MED14: variants seen among roughly 807,000 people sequenced by gnomAD.
MED14 encodes mediator complex subunit 14.
MED14 carries 8 observed loss-of-function variants against 109.0 expected under a neutral mutation model. That is an observed-to-expected ratio of 0.07 (90% CI 0.04 to 0.13). The LOEUF (loss-of-function observed/expected upper bound fraction) is 0.13, where lower values mean the gene tolerates loss of function less well. MED14 is among the 10% of genes least tolerant of loss of function. The pLI is 1.00. For synonymous variants in MED14, 399 were observed against 408.7 expected, an observed-to-expected ratio of 0.98 and a Z score of 0.29; for missense variants, 711 against 1,142.4, an observed-to-expected ratio of 0.62 and a Z score of 5.44.
At chrX:40,662,230 TTC>T (rs1290180372) in intron 26 of MED14, among the ~76,000 whole-genome samples, 7 of 111,039 alleles carry the variant, frequency 6.3e-5, no homozygotes, top group African/African-American at 2.3e-4. Flanking sequence ...CAAATTTTTT[TTC>T]TCTTTTTATT....
intron 10 of MED14, among the ~76,000 whole-genome samples, chrX:40,707,876 A>G (rs1003389093): frequency 8.9e-6 from 1 of 111,757 alleles, no homozygotes; most frequent in African/African-American, 3.3e-5. Flanking sequence ...TTCAGTAAAA[A>G]CCATTGAATG....
intron 10 of MED14, among the ~76,000 whole-genome samples, chrX:40,705,039 T>C (rs1186194318): frequency 1.8e-5 from 2 of 111,756 alleles, no homozygotes; most frequent in African/African-American, 3.3e-5. Context: ...CATATTTGTA[T>C]ACAAAATGTT....
intron 15 of MED14, among the ~76,000 whole-genome samples, chrX:40,690,309 T>C (rs1295920787): frequency 1.8e-5 from 2 of 111,701 alleles, no homozygotes; most frequent in African/African-American, 3.3e-5. Context: ...GGTTTCTCTC[T>C]GGGCTCTTTA....
chrX:40,671,326 C>T (rs1334173281), intron 23 of MED14, among the ~76,000 whole-genome samples: 2 of 111,897 alleles, frequency 1.8e-5, no homozygotes, highest in Non-Finnish European at 3.8e-5. Context: ...AGCACTTTTA[C>T]GGTGCACTTC....
intron 11 of MED14, 29 bp downstream of exon 11, chrX:40,703,415 T>A: frequency 9.0e-7 from 1 of 1,114,383 alleles, no homozygotes; most frequent in Non-Finnish European, 1.2e-6. Context: ...TTTTCTTACA[T>A]TGAATGATTA....
intron 10 of MED14, among the ~76,000 whole-genome samples, chrX:40,703,783 C>A (rs938999933): frequency 3.6e-5 from 4 of 112,022 alleles, no homozygotes; most frequent in Admixed American, 2.8e-4. Flanking sequence ...AACAAACATG[C>A]CTGTCTCAAA....
chrX:40,692,089 G>T, intron 15 of MED14, 94 bp downstream of exon 15: 1 of 829,184 alleles, frequency 1.2e-6, no homozygotes, highest in Non-Finnish European at 1.7e-6. Flanking sequence ...CAAACATTCT[G>T]CTTTTCCTAA....
chrX:40,651,717 A>AT lies in MED14; in HGVS notation c.*88_*89insA. On this transcript the variant is annotated 3_prime_UTR_variant, in exon 31 of 31. Transcript: ENST00000324817. ...TTTAGCTCTTAAAGTTTAAAAAAAA[A>AT]GTCCTTTTCCTTTTTTAAACTGAAG... 1 of 1,088,379 alleles carries AT rather than the reference A, an allele frequency of 9.2e-7. No individual in the cohort carries two copies. The highest frequency in any genetic ancestry group is 1.2e-6 in the Non-Finnish European group (1 of 837,939). The allele number at this position is 1,088,379 out of a possible 1,213,427, so 89.7% of individuals were successfully genotyped here.
In MED14 at chrX:40,712,880, ATACTTATGATTTAAATCAC is replaced by A. The variant is rs1340883168; in HGVS notation, c.781+15_781+33del. 9.1e-7 allele frequency: 1 copy of A among 1,096,533 alleles called. No individual in the cohort carries two copies. Among genetic ancestry groups the A allele is most frequent in the Admixed American group, 2.6e-5 (1 of 38,287 alleles). The allele number at this position is 1,096,533 out of a possible 1,213,427, so 90.4% of individuals were successfully genotyped here. On this transcript the variant is annotated intron_variant, in intron 6 of 30. Transcript: ENST00000324817. ...TATAAAAAATCAAACATTTAAACTA[ATACTTATGATTTAAATCAC>A]TACTTATGATTTACCTCCTGTTTCC... is the stretch of plus-strand genomic sequence containing the variant.
chrX:40,662,209 A>G (rs1176888898), intron 26 of MED14, among the ~76,000 whole-genome samples: 1 of 110,920 alleles, frequency 9.0e-6, no homozygotes, highest in Non-Finnish European at 1.9e-5. Context: ...GTAACCATAA[A>G]TAATTTTCTT....
chrX:40,725,086 C>T, intron 3 of MED14, among the ~76,000 whole-genome samples: 1 of 111,880 alleles, frequency 8.9e-6, no homozygotes, highest in East Asian at 2.8e-4. Context: ...TTCCTAGACA[C>T]ATACAACCTG....
chrX:40,662,387 A>T (rs1477561494), intron 26 of MED14, among the ~76,000 whole-genome samples: 1 of 110,030 alleles, frequency 9.1e-6, no homozygotes, highest in African/African-American at 3.3e-5. Context: ...CATGCCTGCT[A>T]ATTTTTTAAA....
At chrX:40,682,458 C>A in intron 18 of MED14, 145 bp downstream of exon 18, 1 of 505,702 alleles carries the variant, frequency 2.0e-6, no homozygotes, top group Non-Finnish European at 3.1e-6. Flanking sequence ...AAATTGAAGT[C>A]TGAAGTGAAA....
intron 11 of MED14, among the ~76,000 whole-genome samples, chrX:40,702,653 A>G (rs765354177): frequency 1.8e-5 from 2 of 111,769 alleles, no homozygotes; most frequent in Non-Finnish European, 3.8e-5. Flanking sequence ...TGGCCTAAAT[A>G]TAAGTTTTTA....
intron 12 of MED14, among the ~76,000 whole-genome samples, chrX:40,699,864 C>T (rs1056728133): frequency 7.2e-5 from 8 of 111,511 alleles, no homozygotes; most frequent in South Asian, 3.7e-4. Flanking sequence ...TCATGCCCTG[C>T]GCTGGGCACG....
intron 7 of MED14, among the ~76,000 whole-genome samples, chrX:40,711,647 G>A (rs1931340496): frequency 9.1e-6 from 1 of 110,243 alleles, no homozygotes. Context: ...GTGTGTGACG[G>A]AGTCTTGCTC....
At chrX:40,697,845 T>C (rs908100719) in intron 12 of MED14, among the ~76,000 whole-genome samples, 2 of 112,102 alleles carry the variant, frequency 1.8e-5, no homozygotes, top group Non-Finnish European at 3.8e-5. Flanking sequence ...CTTGCCTTGA[T>C]GAATAGGGCA....
intron 3 of MED14, among the ~76,000 whole-genome samples, chrX:40,724,770 A>G (rs1336466551): frequency 8.9e-6 from 1 of 111,765 alleles, no homozygotes; most frequent in Non-Finnish European, 1.9e-5. Context: ...CTATAAAAGC[A>G]AGAGAAACCT....
intron 1 of MED14, among the ~76,000 whole-genome samples, chrX:40,734,941 G>A (rs968024529): frequency 1.8e-5 from 2 of 111,804 alleles, no homozygotes; most frequent in African/African-American, 6.5e-5. Context: ...TGGGAACTCG[G>A]ACAAAAATTT....
Sources: gnomAD v4.1 joint callset for allele counts (sites outside exome capture counted in the v4.1 genomes callset) on GRCh38, gnomAD v4.1.1 for gene constraint, MANE v1.5 for transcripts, NCBI Gene and HGNC (gene_info 2026-07-23, HGNC 2026-07-21) for gene names.